GMDS: variants seen among roughly 807,000 people sequenced by gnomAD.
GMDS encodes GDP-mannose 4,6-dehydratase, also known as GDP-mannose 4,6 dehydratase.
GMDS carries 20 observed loss-of-function variants against 49.9 expected under a neutral mutation model. That is an observed-to-expected ratio of 0.40 (90% CI 0.28 to 0.58). The LOEUF (loss-of-function observed/expected upper bound fraction) is 0.58, where lower values mean the gene tolerates loss of function less well. GMDS is among the 20% of genes least tolerant of loss of function. GMDS has a pLI of 0.42. For missense variants in GMDS, 362 were observed against 481.4 expected (o/e 0.75, Z 2.32); for synonymous variants, 177 against 178.6 (o/e 0.99, Z 0.07).
intron 4 of GMDS, among the ~76,000 whole-genome samples, chr6:2,076,339 G>T (rs932145850): frequency 6.6e-6 from 1 of 152,088 alleles, no homozygotes; most frequent in Non-Finnish European, 1.5e-5. Context: ...ACTGCCCAAG[G>T]TAATTTATAG....
At chr6:2,008,961 A>G (rs866587840) in intron 4 of GMDS, among the ~76,000 whole-genome samples, 1 of 152,238 alleles carries the variant, frequency 6.6e-6, no homozygotes, top group Non-Finnish European at 1.5e-5. Flanking sequence ...AACTGAGTTT[A>G]TAAAAATAAA....
intron 7 of GMDS, among the ~76,000 whole-genome samples, chr6:1,812,636 T>TCGATTCCAGTTCCCAAACCCCC (rs1343869882): frequency 2.0e-5 from 3 of 151,988 alleles, no homozygotes; most frequent in Non-Finnish European, 4.4e-5. Context: ...GGAGGACAAC[T>TCGATTCCAGTTCCCAAACCCCC]CGATTCCAGT....
chr6:1,870,300 G>A (rs1261181128), intron 7 of GMDS, among the ~76,000 whole-genome samples: 1 of 152,172 alleles, frequency 6.6e-6, no homozygotes, highest in Admixed American at 6.5e-5. Flanking sequence ...TAAGAAACTA[G>A]GAGATCCATT....
intron 8 of GMDS, among the ~76,000 whole-genome samples, chr6:1,737,626 G>GATACACACGCACACATACATACAC (rs1561768784): frequency 1.6e-5 from 2 of 122,560 alleles, no homozygotes; most frequent in African/African-American, 6.8e-5. Flanking sequence ...CACACACACA[G>GATACACACGCACACATACATACAC]ATACACACGC....
At chr6:1,931,812 A>T (rs1762298209) in intron 6 of GMDS, among the ~76,000 whole-genome samples, 1 of 152,226 alleles carries the variant, frequency 6.6e-6, no homozygotes, top group Admixed American at 6.5e-5. Context: ...AATGTTTGGG[A>T]GTCCAATGGA....
intron 1 of GMDS, among the ~76,000 whole-genome samples, chr6:2,239,029 T>TAA (rs200353675): frequency 1.3e-5 from 2 of 149,312 alleles, no homozygotes; most frequent in African/African-American, 4.9e-5. Context: ...TGGTTTCATT[T>TAA]AAAAAAAAAA....
chr6:1,665,399 A>G (rs1350331094), intron 9 of GMDS, among the ~76,000 whole-genome samples: 1 of 152,194 alleles, frequency 6.6e-6, no homozygotes, highest in Non-Finnish European at 1.5e-5. Context: ...ATTGCTTTAA[A>G]GAGATTTGTT....
chr6:2,203,092 T>C (rs1779624595), intron 1 of GMDS, among the ~76,000 whole-genome samples: 1 of 152,214 alleles, frequency 6.6e-6, no homozygotes, highest in African/African-American at 2.4e-5. Flanking sequence ...AGGAAGCCTG[T>C]TAATCAAATT....
In GMDS at chr6:1,821,611, G is replaced by GTTT. The variant is rs3039703; in HGVS notation, c.772-79028_772-79026dup. ...TAGCGCAGCTGCTAACAATTTATTT[G>GTTT]TTTTTTTTTTTTTTTTTTTTTTTTT... On this transcript the variant is annotated intron_variant, in intron 7 of 10. Coordinates refer to ENST00000380815, the MANE Select transcript of GMDS (RefSeq NM_001500.4). 1.9e-4 allele frequency among the ~76,000 whole-genome samples: 21 copies of GTTT among 109,836 alleles called. 3 individuals carry two copies. In the East Asian group the frequency reaches 5.4e-3, roughly 28 times the overall value. The allele number at this position is 109,836 out of a possible 152,430, so 72.1% of individuals were successfully genotyped here. A position where few individuals can be genotyped will look rare whatever the true frequency, so the allele number is the denominator to read the frequency against.
At chr6:1,717,876 G>A (rs954915264) in intron 9 of GMDS, among the ~76,000 whole-genome samples, 5 of 152,074 alleles carry the variant, frequency 3.3e-5, no homozygotes, top group African/African-American at 9.7e-5. Context: ...CTGACTTCCA[G>A]GACATAGTGA....
At chr6:1,973,292 T>C (rs1477990441) in intron 4 of GMDS, among the ~76,000 whole-genome samples, 3 of 152,196 alleles carry the variant, frequency 2.0e-5, no homozygotes, top group Non-Finnish European at 4.4e-5. Flanking sequence ...AATTAAACAA[T>C]TACATTAGCT....
At chr6:2,239,125 TC>T (rs1367020896) in intron 1 of GMDS, among the ~76,000 whole-genome samples, 4 of 152,136 alleles carry the variant, frequency 2.6e-5, no homozygotes, top group African/African-American at 9.7e-5. Context: ...GGCCAAGAGT[TC>T]AAGACCAGCC....
intron 7 of GMDS, among the ~76,000 whole-genome samples, chr6:1,841,253 C>T (rs1482379313): frequency 1.3e-5 from 2 of 152,202 alleles, no homozygotes; most frequent in African/African-American, 2.4e-5. Context: ...CCCTTGCTCT[C>T]AGAACATCCC....
At chr6:2,106,162 G>C (rs1392890989) in intron 4 of GMDS, among the ~76,000 whole-genome samples, 1 of 152,104 alleles carries the variant, frequency 6.6e-6, no homozygotes, top group African/African-American at 2.4e-5. Flanking sequence ...TTCGATCTTA[G>C]ACATTTTTCA....
chr6:2,133,582 C>T (rs554610425), intron 1 of GMDS, among the ~76,000 whole-genome samples: 56 of 152,312 alleles, frequency 3.7e-4, no homozygotes, highest in African/African-American at 1.3e-3. Flanking sequence ...AGAAATGTCA[C>T]TTGTCAACTC....
intron 1 of GMDS, among the ~76,000 whole-genome samples, chr6:2,151,960 G>A (rs1776866854): frequency 6.6e-6 from 1 of 151,932 alleles, no homozygotes; most frequent in Non-Finnish European, 1.5e-5. Flanking sequence ...AAGAAACACT[G>A]GCCTAAACTG....
chr6:2,243,843 C>CTTTTTTTTTTT lies in GMDS; in HGVS notation c.102+1467_102+1477dup, dbSNP rs68171156. ...ATCTGGCCAATTTCAACTTCTCCTT[C>CTTTTTTTTTTT]TTTTTTTTTTTTTTTTTTTTTTTTT... On this transcript the variant is annotated intron_variant, in intron 1 of 10. Transcript: ENST00000380815. Among the ~76,000 whole-genome samples, 49 of 58,152 alleles carry CTTTTTTTTTTT rather than the reference C, an allele frequency of 8.4e-4. 5 individuals are homozygous for CTTTTTTTTTTT. Among genetic ancestry groups the CTTTTTTTTTTT allele is most frequent in the African/African-American group, 2.8e-3 (47 of 16,662 alleles). The allele number at this position is 58,152 out of a possible 152,430, so 38.1% of individuals were successfully genotyped here.
chr6:1,795,224 C>A (rs1769692726), intron 7 of GMDS, among the ~76,000 whole-genome samples: 2 of 152,076 alleles, frequency 1.3e-5, no homozygotes, highest in African/African-American at 4.8e-5. Flanking sequence ...TCATCATCAT[C>A]ATCAAAAATG....
chr6:2,067,482 T>G (rs1421474763), intron 4 of GMDS, among the ~76,000 whole-genome samples: 3 of 152,068 alleles, frequency 2.0e-5, no homozygotes, highest in Non-Finnish European at 4.4e-5. Context: ...AGGAGCTGCT[T>G]TTTTGAAAGG....
Sources: allele counts gnomAD v4.1 joint callset (sites outside exome capture counted in the v4.1 genomes callset), GRCh38; gene constraint gnomAD v4.1.1; transcripts MANE v1.5; gene names NCBI Gene and HGNC (gene_info 2026-07-23, HGNC 2026-07-21).